Variants in ACAN observed in about 807,000 individuals in gnomAD.
ACAN encodes aggrecan core protein.
Under a neutral mutation model 169.1 loss-of-function variants are expected in ACAN, and 47 were observed. The ratio of observed to expected loss-of-function variants is 0.28; its 90% CI spans 0.22 to 0.35. ACAN has a LOEUF of 0.35. Among genes scored for constraint, ACAN ranks in the 10% least tolerant of loss-of-function variants. ACAN has a pLI of 1.00. For synonymous variants in ACAN, 1,115 were observed against 1,112.2 expected, an observed-to-expected ratio of 1.00 and a Z score of -0.05; for missense variants, 2,716 against 2,759.9, an observed-to-expected ratio of 0.98 and a Z score of 0.36.
intron 11 of ACAN, 131 bp downstream of exon 11, chr15:88,852,164 G>T (rs1896947171): frequency 1.5e-6 from 2 of 1,377,102 alleles, no homozygotes; most frequent in African/African-American, 1.4e-5. Flanking sequence ...CACTGGCTGG[G>T]TGTTCTGCTA....
At chr15:88,815,823 C>G (rs926834546) in intron 1 of ACAN, among the ~76,000 whole-genome samples, 1 of 152,034 alleles carries the variant, frequency 6.6e-6, no homozygotes, top group Non-Finnish European at 1.5e-5. Context: ...AAAAAGTTAC[C>G]TTGTATTCAT....
In ACAN at chr15:88,857,467, G is replaced by A; in HGVS notation, c.4882G>A (p.Gly1628Arg). ...TCCAGAAACAAGTGGTCTTCCCTCT[G>A]GATTTAGTGGTGAGTATTCTGGGGT... ...QAPETSGLPS[G>R]FSGEYSGVDL... is the part of the protein sequence containing the mutation. The change falls in exon 12 of 19, where the codon GGA becomes AGA. Residue 1628 changes from glycine to arginine, a missense_variant. By Grantham distance (125) the Gly-to-Arg change is moderately radical (BLOSUM62 -2). Transcript: ENST00000560601. 1 of 1,613,914 alleles carries A rather than the reference G, an allele frequency of 6.2e-7. No individual in the cohort carries two copies. The highest frequency in any genetic ancestry group is 1.1e-5 in the South Asian group (1 of 91,080).
Position 88,857,577 on chromosome 15 carries a change from T to C in ACAN, c.4992T>C (p.Ser1664=), listed in dbSNP as rs1232090537. The change falls in exon 12 of 19, where the codon TCT becomes TCC. Residue 1664 remains serine, a synonymous_variant. Coordinates refer to ENST00000560601, the MANE Select transcript of ACAN (RefSeq NM_001369268.1). ...SGFPTVSLVD[S]TLVEVVTAST... ...TCCCAACTGTTTCCCTAGTGGATTC[T>C]ACATTGGTGGAAGTGGTCACAGCCT... 1 of 1,614,006 alleles carries C rather than the reference T, an allele frequency of 6.2e-7. No homozygotes were observed. Among genetic ancestry groups the C allele is most frequent in the Non-Finnish European group, 8.5e-7 (1 of 1,179,906 alleles).
At chr15:88,833,116 C>A (rs1054127662) in intron 1 of ACAN, among the ~76,000 whole-genome samples, 1 of 152,160 alleles carries the variant, frequency 6.6e-6, no homozygotes, top group Non-Finnish European at 1.5e-5. Context: ...TTGATGGAAT[C>A]CAGGCCAAGA....
In ACAN at chr15:88,829,406, A is replaced by G. The variant is rs540394697; in HGVS notation, c.-7-6794A>G. ...ATCAGCTTCCTGGCTTCCCGTTTCT[A>G]TACCATCCCACCACGTCTGTTTAGA... On this transcript the variant is annotated intron_variant, in intron 1 of 18. Coordinates refer to ENST00000560601, the MANE Select transcript of ACAN (RefSeq NM_001369268.1). Among the ~76,000 whole-genome samples, 8 of 152,280 alleles carry G rather than the reference A, an allele frequency of 5.3e-5. No individual in the cohort carries two copies. In the East Asian group the frequency reaches 1.5e-3, roughly 29 times the overall value.
Position 88,872,172 on chromosome 15 carries a change from G to A in ACAN, c.7302+87G>A. The A allele has an allele frequency of 8.8e-7, 1 of 1,134,552 alleles. No homozygotes were observed. The highest frequency in any genetic ancestry group is 1.3e-6 in the Non-Finnish European group (1 of 755,394). The allele number at this position is 1,134,552 out of a possible 1,614,324, so 70.3% of individuals were successfully genotyped here. On this transcript the variant is annotated intron_variant, in intron 16 of 18. Transcript: ENST00000560601. The surrounding 1 kb of genome is among the most constrained non-coding windows in gnomAD (Gnocchi z 5.4). ...GGAGAGAGATGCATTCAAACCCCAT[G>A]CAGACAGCCGCTTACCAGCTGCTGG...
chr15:88,804,562 C>T (rs1895629343), intron 1 of ACAN, among the ~76,000 whole-genome samples: 1 of 152,138 alleles, frequency 6.6e-6, no homozygotes. Context: ...GCGGTTTTTC[C>T]GTCTGTGGGT....
In ACAN at chr15:88,803,436, G is replaced by T. The variant is rs1446731135; in HGVS notation, c.-381G>T. The T allele has an allele frequency of 3.3e-5, 2 of 60,164 alleles. No individual in the cohort carries two copies. The highest frequency in any genetic ancestry group is 6.7e-5 in the Non-Finnish European group (2 of 29,956). The allele number at this position is 60,164 out of a possible 1,614,324, so 3.7% of individuals were successfully genotyped here. A position where few individuals can be genotyped will look rare whatever the true frequency, so the allele number is the denominator to read the frequency against. On this transcript the variant is annotated 5_prime_UTR_variant, in exon 1 of 19. Transcript: ENST00000560601. ...GTGTCACAGCGCGCCATGCCCGCCC[G>T]CCCGCCCACCTACCTCCCCGCCGCT...
chr15:88,874,003 C>A lies in ACAN; in HGVS notation c.7609C>A (p.Pro2537Thr). 6.2e-7 allele frequency: 1 copy of A among 1,611,884 alleles called. No individual in the cohort carries two copies. Among genetic ancestry groups the A allele is most frequent in the East Asian group, 2.2e-5 (1 of 44,872 alleles). The change falls in exon 18 of 19, where the codon CCT becomes ACT. Residue 2537 changes from proline to threonine, a missense_variant. Pro to Thr is a conservative substitution (Grantham distance 38). Coordinates refer to ENST00000560601, the MANE Select transcript of ACAN (RefSeq NM_001369268.1). This position sits in a 1 kb window ranked among gnomAD's most constrained non-coding sequence, Gnocchi z 7.3. ...CCAGCCCAGCGGGCACTGGGAGGAG[C>A]CTCAGATCACCTGCACAGACCGTGA... ...RCQPSGHWEE[P>T]QITCTDPTTY...
Position 88,873,760 on chromosome 15 carries a change from C to A in ACAN, c.7448-82C>A. 1 of 1,447,870 alleles carries A rather than the reference C, an allele frequency of 6.9e-7. No individual in the cohort carries two copies. The highest frequency in any genetic ancestry group is 2.4e-5 in the East Asian group (1 of 41,370). The allele number at this position is 1,447,870 out of a possible 1,614,324, so 89.7% of individuals were successfully genotyped here. On this transcript the variant is annotated intron_variant, in intron 17 of 18. Transcript: ENST00000560601. The surrounding 1 kb of genome is among the most constrained non-coding windows in gnomAD (Gnocchi z 7.5). ...CTGTCAGATGTTGAGGCTGTGTCCC[C>A]CACAGTGCCTCGGGTCACAACCAGC...
chr15:88,806,507 G>A (rs966497628), intron 1 of ACAN, among the ~76,000 whole-genome samples: 5 of 151,886 alleles, frequency 3.3e-5, no homozygotes, highest in Non-Finnish European at 7.4e-5. Flanking sequence ...GTACCACCAC[G>A]CCCGGCTAAT....
chr15:88,811,133 T>C (rs148634656), intron 1 of ACAN, among the ~76,000 whole-genome samples: 2,458 of 152,328 alleles, frequency 0.016, 65 homozygotes, highest in African/African-American at 0.056. Context: ...CAACAGGCTT[T>C]GTAGGTGAAA....
At chr15:88,817,866 AAAAG>A (rs1432352463) in intron 1 of ACAN, among the ~76,000 whole-genome samples, 15 of 150,870 alleles carry the variant, frequency 9.9e-5, no homozygotes, top group East Asian at 2.0e-4. Context: ...AAAAAAAAAA[AAAAG>A]AAAGAAAGGG....
Position 88,871,354 on chromosome 15 carries a change from C to T in ACAN, c.7061-28C>T, listed in dbSNP as rs766814109. The T allele has an allele frequency of 1.9e-6, 3 of 1,613,392 alleles. No homozygotes were observed. In the African/African-American group the frequency reaches 4.0e-5, roughly 21 times the overall value. On this transcript the variant is annotated intron_variant, in intron 14 of 18. Coordinates refer to ENST00000560601, the MANE Select transcript of ACAN (RefSeq NM_001369268.1). This position sits in a 1 kb window ranked among gnomAD's most constrained non-coding sequence, Gnocchi z 7.8. ...CCATCCCCTGGTGGCCTCTGCCCCT[C>T]CCTTCAAGCCCCTGACCTGTGTTGC...
Position 88,840,046 on chromosome 15 carries a change from C to T in ACAN, c.489C>T (p.Arg163=). Residue 163 remains arginine (R), a synonymous_variant, in exon 4 of 19, where the codon CGC becomes CGT. Transcript: ENST00000560601. ...TCCATTACAGAGCCATCTCTACACG[C>T]TACACCCTCGACTTTGACAGGGCGC... The part of the protein sequence containing the change: ...IVFHYRAIST[R]YTLDFDRAQR... The T allele has an allele frequency of 6.2e-7, 1 of 1,602,850 alleles. No homozygotes were observed. Among genetic ancestry groups the T allele is most frequent in the East Asian group, 2.2e-5 (1 of 44,506 alleles).
chr15:88,841,745 C>G lies in ACAN; in HGVS notation c.635C>G (p.Pro212Arg). The change falls in exon 5 of 19, where the codon CCC (proline) becomes CGC (arginine). Residue 212 changes from proline (P) to arginine (R), a missense_variant. Pro to Arg is a moderately radical substitution (Grantham distance 103, BLOSUM62 -2). Coordinates refer to ENST00000560601, the MANE Select transcript of ACAN (RefSeq NM_001369268.1). ...GWLADQTVRY[P>R]IHTPREGCYG... is the part of the protein sequence containing the mutation. The stretch of plus-strand genomic sequence containing the variant: ...CCATTTCGGGTTCCTGGCAGATACC[C>G]CATCCACACTCCCCGGGAAGGCTGC... 1 of 1,613,866 alleles carries G rather than the reference C, an allele frequency of 6.2e-7. No homozygotes were observed. Among genetic ancestry groups the G allele is most frequent in the Non-Finnish European group, 8.5e-7 (1 of 1,179,852 alleles).
At chr15:88,834,817 C>T (rs1896461052) in intron 1 of ACAN, among the ~76,000 whole-genome samples, 1 of 152,158 alleles carries the variant, frequency 6.6e-6, no homozygotes, top group African/African-American at 2.4e-5. Flanking sequence ...TTAGAACCTT[C>T]CAAGCTCTAA....
rs1897195365 is a variant in ACAN at position 88,861,582 on chromosome 15, C to T, written c.6946+1143C>T. Among the ~76,000 whole-genome samples the T allele has an allele frequency of 6.6e-6, 1 of 152,058 alleles. No homozygotes were observed. ...AGACGTTAGGGTAGATATTCATTCA[C>T]TCTTTCCCCAACGTGTGGGCTGCAA... On this transcript the variant is annotated intron_variant, in intron 13 of 18. Transcript: ENST00000560601. The surrounding 1 kb of genome is among the most constrained non-coding windows in gnomAD (Gnocchi z 6.3).
At position 88,845,752 on chromosome 15, in the gene ACAN, G is replaced by C. The variant is rs372157525; in HGVS notation, c.1299G>C (p.Glu433Asp). The C allele has an allele frequency of 2.6e-5, 42 of 1,612,742 alleles. 1 individual carries two copies. The East Asian group carries it at 3.3e-4, about 13-fold the overall frequency. Residue 433 changes from glutamate (E) to aspartate (D), a missense_variant, in exon 7 of 19, where the codon GAG (glutamate) becomes GAC (aspartate). Glu to Asp is a conservative substitution (Grantham distance 45). Transcript: ENST00000560601. ...EIGATAFAEV[E>D]NETGEATRPW... ...GGGCCACTGCCTTCGCTGAGGTTGA[G>C]AATGAGACTGGAGAGGCCACCAGGC...
Sources: gnomAD v4.1 joint callset for allele counts (sites outside exome capture counted in the v4.1 genomes callset) on GRCh38, gnomAD v4.1.1 for gene constraint, Gnocchi (gnomAD v3.1) non-coding constraint, MANE v1.5 for transcripts, NCBI Gene and HGNC (gene_info 2026-07-23, HGNC 2026-07-21) for gene names.